The following NTM variants were observed in gnomAD, a reference collection of about 807,000 sequenced individuals.
The protein encoded by NTM is IgLON family member 2.
A neutral mutation model predicts 42.1 loss-of-function variants in NTM; 13 were observed. The observed-to-expected ratio is 0.31, with a 90% CI of 0.20 to 0.49. The LOEUF is 0.49. Among genes scored for constraint, NTM ranks in the 20% least tolerant of loss-of-function variants. NTM has a pLI of 0.99. For missense variants in NTM, 373 were observed against 452.8 expected, an observed-to-expected ratio of 0.82 and a Z score of 1.60; for synonymous variants, 187 against 179.2, an observed-to-expected ratio of 1.04 and a Z score of -0.35.
chr11:131,738,845 T>A (rs1478682550), intron 1 of NTM, among the ~76,000 whole-genome samples: 1 of 152,218 alleles, frequency 6.6e-6, no homozygotes, highest in Non-Finnish European at 1.5e-5. Flanking sequence ...GATTTGTACG[T>A]GGAGAGAGGA....
At chr11:131,990,434 A>G (rs2066818770) in intron 2 of NTM, among the ~76,000 whole-genome samples, 1 of 152,052 alleles carries the variant, frequency 6.6e-6, no homozygotes, top group African/African-American at 2.4e-5. Context: ...GGTAGTTCTC[A>G]CTGTACATGG....
At chr11:131,587,681 C>T (rs2058995512) in intron 1 of NTM, among the ~76,000 whole-genome samples, 6 of 152,136 alleles carry the variant, frequency 3.9e-5, no homozygotes, top group Admixed American at 3.9e-4. Flanking sequence ...TCATAACACA[C>T]ACCTGCATGA....
intron 2 of NTM, among the ~76,000 whole-genome samples, chr11:132,075,253 A>G (rs1251730502): frequency 1.3e-5 from 2 of 152,222 alleles, no homozygotes; most frequent in East Asian, 1.9e-4. Context: ...CCTGTACAAC[A>G]TTGTACCTCT....
At chr11:132,259,085 A>T in intron 4 of NTM, among the ~76,000 whole-genome samples, 1 of 152,206 alleles carries the variant, frequency 6.6e-6, no homozygotes, top group East Asian at 1.9e-4. Context: ...TCTGTGAGTC[A>T]CTGCTAGATA....
chr11:132,282,190 T>A (rs2093995786), intron 4 of NTM, among the ~76,000 whole-genome samples: 1 of 151,544 alleles, frequency 6.6e-6, no homozygotes, highest in Admixed American at 6.6e-5. Flanking sequence ...ATAGGGAGCC[T>A]GGCTCAATGT....
At chr11:132,309,109 C>A (rs1248658853) in intron 5 of NTM, among the ~76,000 whole-genome samples, 1 of 152,184 alleles carries the variant, frequency 6.6e-6, no homozygotes, top group East Asian at 1.9e-4. Context: ...TCTTCAGGGT[C>A]TCCACAAATA....
chr11:131,506,239 G>A (rs390914), intron 1 of NTM, among the ~76,000 whole-genome samples: 43 of 151,986 alleles, frequency 2.8e-4, no homozygotes, highest in Non-Finnish European at 5.1e-4. Context: ...TACCTCATTC[G>A]GAGGGCTTTT....
At chr11:132,109,764 C>T (rs373064596) in intron 2 of NTM, among the ~76,000 whole-genome samples, 50 of 152,244 alleles carry the variant, frequency 3.3e-4, no homozygotes, top group African/African-American at 1.2e-3. Context: ...TGTACTGTAC[C>T]CAATGTGTAG....
At chr11:132,115,764 C>T (rs2063799577) in intron 2 of NTM, among the ~76,000 whole-genome samples, 1 of 152,302 alleles carries the variant, frequency 6.6e-6, no homozygotes, top group East Asian at 1.9e-4. Context: ...TGTTGCGTTC[C>T]TCTCCCTTCA....
chr11:131,727,158 C>T (rs1250421963), intron 1 of NTM, among the ~76,000 whole-genome samples: 1 of 149,862 alleles, frequency 6.7e-6, no homozygotes, highest in Non-Finnish European at 1.5e-5. Context: ...AGCTAACAAC[C>T]TTTGTGTAAG....
chr11:131,994,970 T>G (rs1449851886), intron 2 of NTM, among the ~76,000 whole-genome samples: 2 of 152,224 alleles, frequency 1.3e-5, no homozygotes. Context: ...TTGTAATGTC[T>G]TTTATCTGCC....
At chr11:131,435,397 C>T (rs1949039888) in intron 1 of NTM, among the ~76,000 whole-genome samples, 1 of 152,178 alleles carries the variant, frequency 6.6e-6, no homozygotes, top group African/African-American at 2.4e-5. Flanking sequence ...GCCATTTTCA[C>T]AATGTTGATT....
chr11:131,521,029 G>A (rs2136557803), intron 1 of NTM, among the ~76,000 whole-genome samples: 1 of 152,198 alleles, frequency 6.6e-6, no homozygotes, highest in East Asian at 1.9e-4. Context: ...GCAAGAGAAA[G>A]AAGCAAGGTG....
At chr11:131,892,337 G>T (rs193039182) in intron 1 of NTM, among the ~76,000 whole-genome samples, 1 of 152,196 alleles carries the variant, frequency 6.6e-6, no homozygotes, top group Non-Finnish European at 1.5e-5. Context: ...TATTGTAACC[G>T]TGCAAAGAGA....
Position 131,626,613 on chromosome 11 carries a change from G to A in NTM, c.82+255725G>A, listed in dbSNP as rs192193037. On this transcript the variant is annotated intron_variant, in intron 1 of 8. Transcript: ENST00000683400. ...AACAACAAACATTGCAAACCAGGAC[G>A]TGATGGGCAAAAGGGGAAAACAGGC... 2.9e-3 allele frequency among the ~76,000 whole-genome samples: 440 copies of A among 152,256 alleles called. 2 individuals are homozygous for A. The highest frequency in any genetic ancestry group is 9.9e-3 in the African/African-American group (412 of 41,562).
intron 2 of NTM, among the ~76,000 whole-genome samples, chr11:131,955,925 C>T (rs2061512578): frequency 1.3e-5 from 2 of 152,222 alleles, no homozygotes; most frequent in Admixed American, 6.5e-5. Flanking sequence ...GGAGCCTGTT[C>T]TTAAGATAGC....
rs1030444895 is a variant in NTM at position 131,656,863 on chromosome 11, C to A, written c.83-254701C>A. Among the ~76,000 whole-genome samples the A allele has an allele frequency of 5.3e-5, 8 of 152,254 alleles. No individual in the cohort carries two copies. The East Asian group carries it at 1.5e-3, about 29-fold the overall frequency. On this transcript the variant is annotated intron_variant, in intron 1 of 8. Coordinates refer to ENST00000683400, the MANE Select transcript of NTM (RefSeq NM_001352005.2). Reference sequence around the variant, plus strand: ...AAACACTTCCCAAGAAGATGACCTACTTCTGCAGAAAGCACTTGAATTGCA... The same window carrying A: ...AAACACTTCCCAAGAAGATGACCTAATTCTGCAGAAAGCACTTGAATTGCA...
At chr11:132,189,261 A>G (rs910361414) in intron 3 of NTM, among the ~76,000 whole-genome samples, 5 of 152,176 alleles carry the variant, frequency 3.3e-5, no homozygotes, top group African/African-American at 9.7e-5. Context: ...GCTGGGAAAG[A>G]AATAGCCCAA....
intron 1 of NTM, among the ~76,000 whole-genome samples, chr11:131,498,183 G>A (rs2136340614): frequency 6.6e-6 from 1 of 152,290 alleles, no homozygotes; most frequent in Non-Finnish European, 1.5e-5. Context: ...CTTCCAACGG[G>A]AGGTTGGAAG....
Sources: allele counts gnomAD v4.1 joint callset (sites outside exome capture counted in the v4.1 genomes callset), GRCh38; gene constraint gnomAD v4.1.1; transcripts MANE v1.5; gene names NCBI Gene and HGNC (gene_info 2026-07-23, HGNC 2026-07-21).